DCC: variants seen among roughly 807,000 people sequenced by gnomAD.
The protein encoded by DCC is DCC netrin 1 receptor, also known as netrin receptor DCC.
Under a neutral mutation model 172.5 loss-of-function variants are expected in DCC, and 58 were observed. That is an observed-to-expected ratio of 0.34 (90% confidence interval 0.27 to 0.42). The LOEUF (loss-of-function observed/expected upper bound fraction) is 0.42. DCC is among the 10% of genes least tolerant of loss of function. The pLI is 1.00. For synonymous variants in DCC, 709 were observed against 644.5 expected (o/e 1.10, Z -1.52); for missense variants, 1,740 against 1,791.0 (o/e 0.97, Z 0.51).
At chr18:53,294,665 A>G (rs1212142584) in intron 12 of DCC, among the ~76,000 whole-genome samples, 1 of 152,216 alleles carries the variant, frequency 6.6e-6, no homozygotes, top group African/African-American at 2.4e-5. Flanking sequence ...CTCACCCGGA[A>G]ACAAGGCAGT....
At chr18:53,150,926 C>G (rs1407947534) in intron 7 of DCC, among the ~76,000 whole-genome samples, 1 of 152,186 alleles carries the variant, frequency 6.6e-6, no homozygotes, top group Non-Finnish European at 1.5e-5. Context: ...CCCTGTCATG[C>G]TGAAGACAAC....
intron 1 of DCC, among the ~76,000 whole-genome samples, chr18:52,525,741 T>C (rs1159871013): frequency 6.6e-6 from 1 of 152,192 alleles, no homozygotes; most frequent in Non-Finnish European, 1.5e-5. Context: ...GTTATTGTCA[T>C]AGACAGATCT....
intron 12 of DCC, among the ~76,000 whole-genome samples, chr18:53,275,009 A>C (rs1011222348): frequency 1.3e-5 from 2 of 152,098 alleles, no homozygotes; most frequent in African/African-American, 4.8e-5. Context: ...TCTAGCTGTA[A>C]ATCCCAACTA....
At chr18:52,581,573 G>A (rs1023186959) in intron 1 of DCC, among the ~76,000 whole-genome samples, 2 of 152,106 alleles carry the variant, frequency 1.3e-5, no homozygotes, top group African/African-American at 4.8e-5. Flanking sequence ...TGTTGGCTTT[G>A]ATGGCATCCC....
chr18:53,194,411 C>A (rs1000009595), intron 9 of DCC, among the ~76,000 whole-genome samples: 2 of 151,668 alleles, frequency 1.3e-5, no homozygotes, highest in South Asian at 2.1e-4. Context: ...GCTTTTCTAT[C>A]AGGGACTCTG....
At chr18:53,256,714 C>T (rs1202848794) in intron 12 of DCC, among the ~76,000 whole-genome samples, 3 of 151,968 alleles carry the variant, frequency 2.0e-5, no homozygotes, top group Non-Finnish European at 4.4e-5. Flanking sequence ...TGGTTCCATA[C>T]TAACTTTAAA....
intron 11 of DCC, among the ~76,000 whole-genome samples, chr18:53,213,402 C>G (rs939008703): frequency 3.3e-5 from 5 of 151,934 alleles, no homozygotes; most frequent in Admixed American, 1.3e-4. Context: ...GTAATCCCAG[C>G]ACTTTGGGAG....
At chr18:52,948,350 T>A (rs998746511) in intron 5 of DCC, among the ~76,000 whole-genome samples, 1 of 151,798 alleles carries the variant, frequency 6.6e-6, no homozygotes, top group African/African-American at 2.4e-5. Flanking sequence ...TTTCCCAAAA[T>A]TGGAAAATAT....
chr18:52,720,599 T>C (rs867688090), intron 1 of DCC, among the ~76,000 whole-genome samples: 4 of 152,214 alleles, frequency 2.6e-5, no homozygotes, highest in African/African-American at 9.6e-5. Flanking sequence ...TAAATCTCAA[T>C]TGAAGCAGTC....
intron 1 of DCC, among the ~76,000 whole-genome samples, chr18:52,745,779 C>T (rs1457188941): frequency 6.6e-6 from 1 of 152,162 alleles, no homozygotes; most frequent in Non-Finnish European, 1.5e-5. Flanking sequence ...CCTTAAGCAA[C>T]CTCTGTCTAT....
intron 1 of DCC, among the ~76,000 whole-genome samples, chr18:52,545,064 A>C (rs745418491): frequency 2.6e-5 from 4 of 152,340 alleles, no homozygotes; most frequent in Non-Finnish European, 5.9e-5. Flanking sequence ...AGCTCTAAGA[A>C]ACCAACGGAA....
At chr18:52,447,050 T>G (rs1433623773) in intron 1 of DCC, among the ~76,000 whole-genome samples, 1 of 152,240 alleles carries the variant, frequency 6.6e-6, no homozygotes, top group Non-Finnish European at 1.5e-5. Flanking sequence ...TTGAAACAAT[T>G]CTTTTCTCCA....
chr18:52,485,933 T>A (rs4939696), intron 1 of DCC, among the ~76,000 whole-genome samples: 1 of 152,114 alleles, frequency 6.6e-6, no homozygotes, highest in Admixed American at 6.6e-5. Flanking sequence ...AAAAAAAGCA[T>A]GCAGAAAAGA....
At chr18:53,503,319 CCTG>C (rs1424464457) in intron 27 of DCC, among the ~76,000 whole-genome samples, 1 of 152,108 alleles carries the variant, frequency 6.6e-6, no homozygotes, top group Non-Finnish European at 1.5e-5. Flanking sequence ...TTTCCTTCCA[CCTG>C]CTGAGTTAAA....
chr18:53,414,645 G>A (rs1336804308), intron 20 of DCC, among the ~76,000 whole-genome samples: 3 of 151,888 alleles, frequency 2.0e-5, no homozygotes, highest in Admixed American at 1.3e-4. Context: ...TCAGGAGATC[G>A]AGACCATCCT....
chr18:52,743,424 T>C (rs532622079), intron 1 of DCC, among the ~76,000 whole-genome samples: 1 of 152,170 alleles, frequency 6.6e-6, no homozygotes, highest in South Asian at 2.1e-4. Flanking sequence ...TGGGGCATGA[T>C]AACCTACATG....
chr18:52,511,298 A>AG (rs55747862), intron 1 of DCC, among the ~76,000 whole-genome samples: 5 of 142,590 alleles, frequency 3.5e-5, no homozygotes, highest in African/African-American at 1.3e-4. Context: ...AAAAAAAAAA[A>AG]GAAAGAAAGA....
intron 5 of DCC, among the ~76,000 whole-genome samples, chr18:52,951,570 G>A (rs182106163): frequency 6.6e-6 from 1 of 152,226 alleles, no homozygotes; most frequent in African/African-American, 2.4e-5. Context: ...TGCTGAGAAT[G>A]ATGGCTTCCA....
intron 1 of DCC, among the ~76,000 whole-genome samples, chr18:52,501,530 G>C (rs1034471594): frequency 6.6e-6 from 1 of 152,136 alleles, no homozygotes. Flanking sequence ...ATTCAGGGAA[G>C]GGGGGAGAAG....
Sources: allele counts gnomAD v4.1 joint callset (sites outside exome capture counted in the v4.1 genomes callset), GRCh38; gene constraint gnomAD v4.1.1; transcripts MANE v1.5; gene names NCBI Gene and HGNC (gene_info 2026-07-23, HGNC 2026-07-21).